DACH1: variants seen among roughly 807,000 people sequenced by gnomAD.
DACH1 encodes dachshund family transcription factor 1.
Under a neutral mutation model 54.2 loss-of-function variants are expected in DACH1, and 12 were observed. The ratio of observed to expected loss-of-function variants is 0.22; its 90% CI spans 0.14 to 0.36. The LOEUF (loss-of-function observed/expected upper bound fraction) is 0.36. Ranked by LOEUF, DACH1 falls within the 10% of genes least tolerant of loss-of-function variation. The pLI is 1.00. For synonymous variants in DACH1, 386 were observed against 366.2 expected (o/e 1.05, Z -0.62); for missense variants, 805 against 929.8 (o/e 0.87, Z 1.75).
chr13:71,499,802 C>A (rs77559292), intron 6 of DACH1, among the ~76,000 whole-genome samples: 1,837 of 152,176 alleles, frequency 0.012, 31 homozygotes, highest in African/African-American at 0.041. Context: ...CAGTTTTGTG[C>A]CTACAGATAG....
intron 3 of DACH1, among the ~76,000 whole-genome samples, chr13:71,612,388 T>C (rs1875400413): frequency 6.6e-6 from 1 of 152,046 alleles, no homozygotes; most frequent in African/African-American, 2.4e-5. Context: ...ACACAAAATG[T>C]TTACCTTATG....
chr13:71,675,038 G>C (rs529689314), intron 2 of DACH1: 12 of 860,056 alleles, frequency 1.4e-5, no homozygotes, highest in East Asian at 2.5e-5. Context: ...GAAGAGAAGG[G>C]GGGTAAGTAA....
In DACH1 at chr13:71,555,167, G is replaced by A. The variant is rs146320846; in HGVS notation, c.1570+1857C>T. ...TTAAACTTGGTAAATAGTATGTAAG[G>A]GAAAATTGAGAAAAGAGTGACTCAA... On this transcript the variant is annotated intron_variant, in intron 6 of 10. Coordinates refer to ENST00000613252, the MANE Select transcript of DACH1 (RefSeq NM_080759.6). Among the ~76,000 whole-genome samples the A allele has an allele frequency of 4.0e-3, 609 of 152,040 alleles. 1 individual carries two copies. Among genetic ancestry groups the A allele is most frequent in the African/African-American group, 0.014 (567 of 41,488 alleles).
chr13:71,475,954 G>T, intron 8 of DACH1, 105 bp from the exon 9 acceptor site: 2 of 824,310 alleles, frequency 2.4e-6, no homozygotes, highest in Non-Finnish European at 3.4e-6. Context: ...TTGTTTTCCT[G>T]CTGAACTGAG....
chr13:71,480,906 T>C (rs761487859), intron 7 of DACH1, among the ~76,000 whole-genome samples: 7 of 151,670 alleles, frequency 4.6e-5, no homozygotes, highest in Non-Finnish European at 8.8e-5. Context: ...TCTTGTGATA[T>C]GAAACAAGCT....
intron 6 of DACH1, among the ~76,000 whole-genome samples, chr13:71,540,521 A>C (rs1335630912): frequency 6.6e-6 from 1 of 152,114 alleles, no homozygotes; most frequent in Non-Finnish European, 1.5e-5. Flanking sequence ...GCCTTTGGTC[A>C]TGTCATTCTT....
Position 71,632,758 on chromosome 13 carries a change from A to C in DACH1, c.965-2041T>G, listed in dbSNP as rs150907741. Among the ~76,000 whole-genome samples the C allele has an allele frequency of 1.3e-3, 194 of 152,204 alleles. 2 individuals carry two copies. The highest frequency in any genetic ancestry group is 4.4e-3 in the African/African-American group (181 of 41,532). ...CTTCAGATTGGGTCTTTACATGAAAAACTGATAATCACCCCTTAAAAGGCA... is the reference window on the plus strand; with the variant it reads ...CTTCAGATTGGGTCTTTACATGAAACACTGATAATCACCCCTTAAAAGGCA... On this transcript the variant is annotated intron_variant, in intron 2 of 10. Coordinates refer to ENST00000613252, the MANE Select transcript of DACH1 (RefSeq NM_080759.6).
intron 1 of DACH1, among the ~76,000 whole-genome samples, chr13:71,821,556 C>T (rs971548475): frequency 6.6e-6 from 1 of 151,552 alleles, no homozygotes; most frequent in South Asian, 2.1e-4. Context: ...TTAATTTCTA[C>T]ACCTATAAGT....
chr13:71,519,883 G>GTGTGTATATATATATATATATA (rs552808622), intron 6 of DACH1, among the ~76,000 whole-genome samples: 2 of 29,330 alleles, frequency 6.8e-5, no homozygotes, highest in Non-Finnish European at 2.0e-4. Context: ...AACCAAAGTA[G>GTGTGTATATATATATATATATA]TATATATATA....
chr13:71,634,983 T>C (rs1877368369), intron 2 of DACH1, among the ~76,000 whole-genome samples: 1 of 152,170 alleles, frequency 6.6e-6, no homozygotes, highest in African/African-American at 2.4e-5. Flanking sequence ...AGAGTAGGAT[T>C]AGGATTCTGA....
At chr13:71,446,513 G>A (rs1053083590) in intron 10 of DACH1, among the ~76,000 whole-genome samples, 1 of 152,094 alleles carries the variant, frequency 6.6e-6, no homozygotes, top group African/African-American at 2.4e-5. Context: ...TACAAATAAG[G>A]CTATTAAGGC....
At chr13:71,505,639 A>G (rs1408614639) in intron 6 of DACH1, among the ~76,000 whole-genome samples, 1 of 152,166 alleles carries the variant, frequency 6.6e-6, no homozygotes, top group African/African-American at 2.4e-5. Context: ...TTCTGTTTCA[A>G]TTATTAATTT....
At chr13:71,806,744 T>G (rs1170978652) in intron 1 of DACH1, among the ~76,000 whole-genome samples, 1 of 152,176 alleles carries the variant, frequency 6.6e-6, no homozygotes, top group Non-Finnish European at 1.5e-5. Context: ...TCGTGAAATA[T>G]TTTTCACTAA....
At chr13:71,495,269 T>C (rs1463547402) in intron 6 of DACH1, among the ~76,000 whole-genome samples, 1 of 152,082 alleles carries the variant, frequency 6.6e-6, no homozygotes, top group African/African-American at 2.4e-5. Flanking sequence ...GGAGTTTCCT[T>C]GAAAACTCTC....
chr13:71,727,675 A>C (rs971108108), intron 1 of DACH1, among the ~76,000 whole-genome samples: 1 of 152,072 alleles, frequency 6.6e-6, no homozygotes, highest in Non-Finnish European at 1.5e-5. Flanking sequence ...GTTGCTGTGG[A>C]ATGTAGTTGG....
At chr13:71,450,639 C>A (rs918158576) in intron 10 of DACH1, among the ~76,000 whole-genome samples, 1 of 152,004 alleles carries the variant, frequency 6.6e-6, no homozygotes, top group Non-Finnish European at 1.5e-5. Context: ...TGTCAAAGTC[C>A]TAGACAGAAC....
At chr13:71,494,872 C>A (rs551165477) in intron 6 of DACH1, among the ~76,000 whole-genome samples, 1 of 151,986 alleles carries the variant, frequency 6.6e-6, no homozygotes, top group East Asian at 1.9e-4. Context: ...AGATTGATGC[C>A]TCTGTAAGAC....
chr13:71,511,660 T>A (rs985987004), intron 6 of DACH1, among the ~76,000 whole-genome samples: 1 of 151,890 alleles, frequency 6.6e-6, no homozygotes, highest in African/African-American at 2.4e-5. Context: ...TTATTCCTTT[T>A]AAAAAAATAA....
intron 6 of DACH1, among the ~76,000 whole-genome samples, chr13:71,534,186 TTC>T (rs1486911894): frequency 2.0e-5 from 3 of 152,070 alleles, no homozygotes; most frequent in African/African-American, 7.2e-5. Context: ...CTTTGAAATG[TTC>T]TCTCAATGTG....
Sources: allele counts gnomAD v4.1 joint callset (sites outside exome capture counted in the v4.1 genomes callset), GRCh38; gene constraint gnomAD v4.1.1; transcripts MANE v1.5; gene names NCBI Gene and HGNC (gene_info 2026-07-23, HGNC 2026-07-21).